Variants in UBE2V2 observed in about 807,000 individuals in gnomAD.
UBE2V2 encodes the protein ubiquitin-conjugating enzyme E2 variant 2.
A neutral mutation model predicts 17.2 loss-of-function variants in UBE2V2; 9 were observed. The observed-to-expected ratio is 0.52, with a 90% CI of 0.32 to 0.91. UBE2V2 has a LOEUF of 0.91. UBE2V2 is among the 40% of genes least tolerant of loss of function. The pLI is 0.04. For synonymous variants in UBE2V2, 61 were observed against 57.5 expected, an observed-to-expected ratio of 1.06 and a Z score of -0.28; for missense variants, 133 against 182.6, an observed-to-expected ratio of 0.73 and a Z score of 1.56.
At chr8:48,020,693 A>C (rs1319615083) in intron 1 of UBE2V2, among the ~76,000 whole-genome samples, 2 of 151,924 alleles carry the variant, frequency 1.3e-5, no homozygotes, top group African/African-American at 4.8e-5. Context: ...ATAACCTCCA[A>C]CTCATGGGCT....
chr8:48,056,083 C>T (rs2091570017), intron 3 of UBE2V2, among the ~76,000 whole-genome samples: 1 of 152,122 alleles, frequency 6.6e-6, no homozygotes, highest in African/African-American at 2.4e-5. Context: ...TAGATTTGCC[C>T]ATTCTGGATG....
chr8:48,003,587 A>G (rs1353686599), upstream of UBE2V2, among the ~76,000 whole-genome samples: 1 of 152,166 alleles, frequency 6.6e-6, no homozygotes, highest in Non-Finnish European at 1.5e-5. Context: ...GGGAGGGTCC[A>G]TGAATGTCTT....
At chr8:48,019,701 G>C (rs1255770844) in intron 1 of UBE2V2, among the ~76,000 whole-genome samples, 1 of 151,664 alleles carries the variant, frequency 6.6e-6, no homozygotes, top group African/African-American at 2.4e-5. Context: ...TGTAATCCCA[G>C]CTACTCAGGA....
intron 2 of UBE2V2, among the ~76,000 whole-genome samples, chr8:48,045,551 C>T (rs2091493223): frequency 6.6e-6 from 1 of 152,156 alleles, no homozygotes; most frequent in South Asian, 2.1e-4. Flanking sequence ...GGGTCTGCTT[C>T]AGGGGAGAAG....
intron 1 of UBE2V2, among the ~76,000 whole-genome samples, chr8:48,019,930 G>A (rs1278086644): frequency 6.6e-6 from 1 of 152,076 alleles, no homozygotes; most frequent in South Asian, 2.1e-4. Context: ...AAGATCCTGC[G>A]ACTGTACTCC....
chr8:48,007,469 GACAA>G (rs377510917), upstream of UBE2V2, among the ~76,000 whole-genome samples: 10,295 of 150,612 alleles, frequency 0.068, 552 homozygotes, highest in Admixed American at 0.19. Flanking sequence ...ACTAATAACA[GACAA>G]ACAGAGAGCC....
rs1334462015 is a variant in UBE2V2, at chr8:48,063,658, G to A, written c.*2830G>A. 6.6e-6 allele frequency: 1 copy of A among 152,030 alleles called. No individual in the cohort carries two copies. The highest frequency in any genetic ancestry group is 2.1e-4 in the South Asian group (1 of 4,832). 9.4% of individuals were successfully genotyped at this position (152,030 alleles called of 1,614,324 possible). A position where few individuals can be genotyped will look rare whatever the true frequency, so the allele number is the denominator to read the frequency against. On this transcript the variant is annotated 3_prime_UTR_variant, in exon 4 of 4. Transcript: ENST00000523111. ...CTACCATTCTAAAGTAATGTCTTTT[G>A]TTGTGGGTTTATGTGTAACTACAGG...
chr8:48,055,797 C>T (rs980486139), intron 3 of UBE2V2, among the ~76,000 whole-genome samples: 128 of 146,506 alleles, frequency 8.7e-4, no homozygotes, highest in Non-Finnish European at 1.2e-3. Context: ...CAGAGTCTCA[C>T]TCTGTCGCCC....
chr8:48,006,542 A>G (rs2091184043), upstream of UBE2V2, among the ~76,000 whole-genome samples: 1 of 152,174 alleles, frequency 6.6e-6, no homozygotes, highest in African/African-American at 2.4e-5. Flanking sequence ...AATACTCAAT[A>G]AAATACTGGC....
At chr8:48,030,119 C>G (rs1036517057) in intron 1 of UBE2V2, among the ~76,000 whole-genome samples, 6 of 152,202 alleles carry the variant, frequency 3.9e-5, no homozygotes, top group African/African-American at 1.4e-4. Context: ...ATTGGCTTAT[C>G]TCATTGGGAT....
upstream of UBE2V2, among the ~76,000 whole-genome samples, chr8:48,003,430 G>C (rs1199499507): frequency 6.6e-6 from 1 of 152,098 alleles, no homozygotes; most frequent in Non-Finnish European, 1.5e-5. Flanking sequence ...CTCAACAGGA[G>C]AAAGAAGCCC....
At chr8:48,006,907 G>A (rs905874350), upstream of UBE2V2, among the ~76,000 whole-genome samples, 7 of 151,746 alleles carry the variant, frequency 4.6e-5, no homozygotes, top group Admixed American at 2.6e-4. Context: ...ATGGAGTCTC[G>A]CTCTGTCCCC....
chr8:48,045,190 C>T (rs1221165368), intron 2 of UBE2V2, among the ~76,000 whole-genome samples: 1 of 152,150 alleles, frequency 6.6e-6, no homozygotes, highest in Non-Finnish European at 1.5e-5. Flanking sequence ...AATAGCCTTT[C>T]CTCACTTGTC....
chr8:48,063,594 C>T lies in UBE2V2; in HGVS notation c.*2766C>T, dbSNP rs965029614. 17 of 152,238 alleles carry T rather than the reference C, an allele frequency of 1.1e-4. No homozygotes were observed. Among genetic ancestry groups the T allele is most frequent in the African/African-American group, 4.1e-4 (17 of 41,554 alleles). 9.4% of individuals were successfully genotyped at this position (152,238 alleles called of 1,614,324 possible). A position where few individuals can be genotyped will look rare whatever the true frequency, so the allele number is the denominator to read the frequency against. On this transcript the variant is annotated 3_prime_UTR_variant, in exon 4 of 4. Coordinates refer to ENST00000523111, the MANE Select transcript of UBE2V2 (RefSeq NM_003350.3). ...TGATTTAATGGTTTTAATTACTTAACCAATTTTAAGAATTGACAATTTTTA... is the reference window on the plus strand; with the variant it reads ...TGATTTAATGGTTTTAATTACTTAATCAATTTTAAGAATTGACAATTTTTA...
At chr8:48,007,128 T>G (rs1465384060), upstream of UBE2V2, among the ~76,000 whole-genome samples, 4 of 151,888 alleles carry the variant, frequency 2.6e-5, no homozygotes, top group Non-Finnish European at 5.9e-5. Flanking sequence ...GACCTCGTGA[T>G]CCGCCCGCCT....
intron 1 of UBE2V2, among the ~76,000 whole-genome samples, chr8:48,027,176 T>C (rs1487554505): frequency 6.6e-6 from 1 of 152,124 alleles, no homozygotes; most frequent in Non-Finnish European, 1.5e-5. Flanking sequence ...AATTTTTGTG[T>C]TTTTAGTAGA....
At chr8:48,023,686 A>G (rs955872424) in intron 1 of UBE2V2, among the ~76,000 whole-genome samples, 1 of 152,058 alleles carries the variant, frequency 6.6e-6, no homozygotes, top group African/African-American at 2.4e-5. Flanking sequence ...AGCCTGGCCA[A>G]CATGGTGATA....
intron 1 of UBE2V2, among the ~76,000 whole-genome samples, chr8:48,036,636 C>T (rs895626416): frequency 3.2e-4 from 48 of 151,508 alleles, no homozygotes; most frequent in Non-Finnish European, 1.3e-4. Context: ...GGGGTTTCAT[C>T]ATCTTGTCCA....
chr8:48,025,373 C>T (rs1287150633), intron 1 of UBE2V2, among the ~76,000 whole-genome samples: 1 of 150,794 alleles, frequency 6.6e-6, no homozygotes, highest in Admixed American at 6.6e-5. Flanking sequence ...AAGCAATTCT[C>T]CTGCCTCAGC....
Sources: allele counts gnomAD v4.1 joint callset (sites outside exome capture counted in the v4.1 genomes callset), GRCh38; gene constraint gnomAD v4.1.1; transcripts MANE v1.5; gene names NCBI Gene and HGNC (gene_info 2026-07-23, HGNC 2026-07-21).